ABCB10: variants seen among roughly 807,000 people sequenced by gnomAD.
ABCB10 encodes ATP binding cassette subfamily B member 10.
Under a neutral mutation model 65.4 loss-of-function variants are expected in ABCB10, and 54 were observed. The ratio of observed to expected loss-of-function variants is 0.83; its 90% confidence interval spans 0.66 to 1.04. The LOEUF is 1.04. Ranked by LOEUF, ABCB10 falls within the 50% of genes least tolerant of loss-of-function variation. The probability of loss-of-function intolerance (pLI) is 0.00; values close to 1 mark genes in which losing one functional copy is unlikely to be tolerated. For synonymous variants in ABCB10, 418 were observed against 406.5 expected (o/e 1.03, Z -0.34); for missense variants, 846 against 976.6 (o/e 0.87, Z 1.78).
intron 1 of ABCB10, among the ~76,000 whole-genome samples, chr1:229,553,775 C>G (rs1663173650): frequency 6.6e-6 from 1 of 151,716 alleles, no homozygotes; most frequent in Non-Finnish European, 1.5e-5. Flanking sequence ...ATCTTAAGTT[C>G]TCCTTTTAAG....
chr1:229,533,678 G>A (rs940146638), intron 6 of ABCB10, among the ~76,000 whole-genome samples: 2 of 152,106 alleles, frequency 1.3e-5, no homozygotes, highest in African/African-American at 2.4e-5. Context: ...GAGATGCAAC[G>A]GCAATATACA....
intron 1 of ABCB10, among the ~76,000 whole-genome samples, chr1:229,555,950 A>T: frequency 6.6e-6 from 1 of 150,636 alleles, no homozygotes; most frequent in African/African-American, 2.4e-5. Context: ...TCCTCATAAC[A>T]TACAATATGT....
chr1:229,557,492 T>C (rs542365327), intron 1 of ABCB10, among the ~76,000 whole-genome samples: 1 of 152,360 alleles, frequency 6.6e-6, no homozygotes, highest in South Asian at 2.1e-4. Context: ...CCTCCAATTA[T>C]GGCTAAAAAA....
intron 2 of ABCB10, 126 bp from the exon 3 acceptor site, chr1:229,547,827 C>A (rs1663005878): frequency 1.2e-6 from 1 of 832,398 alleles, no homozygotes. Flanking sequence ...AGCCTCTGAG[C>A]GTGTCTGCTG....
chr1:229,541,904 G>A (rs915227988), intron 4 of ABCB10, among the ~76,000 whole-genome samples: 3 of 148,606 alleles, frequency 2.0e-5, no homozygotes, highest in South Asian at 2.1e-4. Flanking sequence ...GTACCACTGC[G>A]CTCCAGCCTA....
intron 12 of ABCB10, 28 bp from the exon 13 acceptor site, chr1:229,518,438 G>A (rs1230204404): frequency 6.3e-7 from 1 of 1,595,092 alleles, no homozygotes; most frequent in African/African-American, 1.3e-5. Context: ...ACACAAGAAA[G>A]CAAAGACGTC....
intron 10 of ABCB10, among the ~76,000 whole-genome samples, chr1:229,523,670 G>A (rs1328036470): frequency 3.3e-5 from 5 of 152,152 alleles, no homozygotes; most frequent in African/African-American, 9.7e-5. Flanking sequence ...ATTACTAGGT[G>A]CTCTGTCTTC....
chr1:229,525,145 G>A (rs1432448291), intron 10 of ABCB10, among the ~76,000 whole-genome samples: 1 of 152,094 alleles, frequency 6.6e-6, no homozygotes, highest in Non-Finnish European at 1.5e-5. Flanking sequence ...GTGAGCCACC[G>A]TGCCTGGCCA....
chr1:229,550,871 A>T (rs373379515), intron 1 of ABCB10, among the ~76,000 whole-genome samples: 1 of 152,084 alleles, frequency 6.6e-6, no homozygotes, highest in African/African-American at 2.4e-5. Flanking sequence ...CTCAAAAAAA[A>T]AAAAGAAAAG....
rs891276916 is a variant in ABCB10 at position 229,517,522 on chromosome 1, T to C, written c.*657A>G. 1 of 152,244 alleles carries C rather than the reference T, an allele frequency of 6.6e-6. No individual in the cohort carries two copies. Among genetic ancestry groups the C allele is most frequent in the African/African-American group, 2.4e-5 (1 of 41,470 alleles). The allele number at this position is 152,244 out of a possible 1,614,324, so 9.4% of individuals were successfully genotyped here. A position where few individuals can be genotyped will look rare whatever the true frequency, so the allele number is the denominator to read the frequency against. ...ATAAAGCTTCTGCCCTTTTAAAAACTTGTCAGGCTTTCATGTGCCAAAATG... is the reference window on the plus strand; with the variant it reads ...ATAAAGCTTCTGCCCTTTTAAAAACCTGTCAGGCTTTCATGTGCCAAAATG... On this transcript the variant is annotated 3_prime_UTR_variant, in exon 13 of 13. Transcript: ENST00000344517.
chr1:229,546,804 A>G (rs1393336084), intron 3 of ABCB10, among the ~76,000 whole-genome samples: 1 of 152,086 alleles, frequency 6.6e-6, no homozygotes, highest in Non-Finnish European at 1.5e-5. Context: ...GAATCACTTG[A>G]GCCCAGGAGT....
intron 11 of ABCB10, 91 bp downstream of exon 11, chr1:229,521,501 A>T: frequency 1.4e-6 from 2 of 1,447,548 alleles, no homozygotes; most frequent in Non-Finnish European, 1.9e-6. Flanking sequence ...AAACAGGAAA[A>T]GGAAGAAGAC....
intron 2 of ABCB10, among the ~76,000 whole-genome samples, chr1:229,548,915 C>A (rs1663034156): frequency 6.6e-6 from 1 of 152,168 alleles, no homozygotes; most frequent in Non-Finnish European, 1.5e-5. Context: ...CCTGCCTCAG[C>A]CTCCCAAAGT....
rs1662696456 is a variant in ABCB10 at position 229,535,441 on chromosome 1, C to T, written c.1340-3710G>A. On this transcript the variant is annotated intron_variant, in intron 6 of 12. Transcript: ENST00000344517. The stretch of plus-strand genomic sequence containing the variant: ...AAGCCATAAAAAGACATGGAGAAAC[C>T]TTAAATGCATATTTCTGTGAAAAGA... Among the ~76,000 whole-genome samples, 3 of 152,088 alleles carry T rather than the reference C, an allele frequency of 2.0e-5. No individual in the cohort carries two copies. The South Asian group carries it at 6.2e-4, about 32-fold the overall frequency.
chr1:229,544,283 G>C lies in ABCB10; in HGVS notation c.922-1912C>G, dbSNP rs1205321287. On this transcript the variant is annotated intron_variant, in intron 3 of 12. Coordinates refer to ENST00000344517, the MANE Select transcript of ABCB10 (RefSeq NM_012089.3). ...AATACAAAAATTAGCCGGGCATGGT[G>C]GCGCACGCCTGTGGTTCCAGCTACT... Among the ~76,000 whole-genome samples the C allele has an allele frequency of 2.0e-5, 3 of 152,076 alleles. No homozygotes were observed. The East Asian group carries it at 5.8e-4, about 29-fold the overall frequency.
chr1:229,536,683 C>T (rs150093077), intron 6 of ABCB10, among the ~76,000 whole-genome samples: 382 of 152,176 alleles, frequency 2.5e-3, no homozygotes, highest in African/African-American at 8.9e-3. Context: ...AGCCCAGTTG[C>T]GGTGGCTCAT....
chr1:229,530,486 C>CCA, intron 7 of ABCB10, 78 bp from the exon 8 acceptor site: 1 of 1,484,922 alleles, frequency 6.7e-7, no homozygotes, highest in Non-Finnish European at 9.3e-7. Flanking sequence ...TCCTACTCAT[C>CCA]TGGCTATGGA....
intron 12 of ABCB10, 72 bp downstream of exon 12, chr1:229,518,769 T>A: frequency 7.8e-7 from 1 of 1,274,230 alleles, no homozygotes; most frequent in Non-Finnish European, 1.1e-6. Flanking sequence ...AGGTACAGAA[T>A]TAAAAGTGTT....
chr1:229,553,265 T>C (rs1663161877), intron 1 of ABCB10, among the ~76,000 whole-genome samples: 1 of 152,030 alleles, frequency 6.6e-6, no homozygotes, highest in South Asian at 2.1e-4. Context: ...CATGCGCCAC[T>C]ATGCCTGGCT....
Sources: allele counts gnomAD v4.1 joint callset (sites outside exome capture counted in the v4.1 genomes callset), GRCh38; gene constraint gnomAD v4.1.1; transcripts MANE v1.5; gene names NCBI Gene and HGNC (gene_info 2026-07-23, HGNC 2026-07-21).